The following JMJD1C variants were observed in gnomAD, a reference collection of about 807,000 sequenced individuals.
JMJD1C encodes the protein jumonji domain containing 1C.
A neutral mutation model predicts 245.3 loss-of-function variants in JMJD1C; 31 were observed. The observed-to-expected ratio is 0.13, with a 90% CI of 0.09 to 0.17. The LOEUF (loss-of-function observed/expected upper bound fraction) is 0.17. Ranked by LOEUF, JMJD1C falls within the 10% of genes least tolerant of loss-of-function variation. JMJD1C has a pLI of 1.00. For synonymous variants in JMJD1C, 1,057 were observed against 1,017.4 expected (o/e 1.04, Z -0.74); for missense variants, 2,691 against 3,000.2 (o/e 0.90, Z 2.41).
chr10:63,287,674 G>A (rs945315688), intron 2 of JMJD1C, among the ~76,000 whole-genome samples: 1 of 152,048 alleles, frequency 6.6e-6, no homozygotes, highest in African/African-American at 2.4e-5. Context: ...AGCATTTAAG[G>A]AGTCTTAGAA....
intron 2 of JMJD1C, among the ~76,000 whole-genome samples, chr10:63,323,528 AG>A (rs1024605313): frequency 2.6e-5 from 4 of 152,176 alleles, no homozygotes; most frequent in African/African-American, 9.7e-5. Context: ...AAAAAAAGAA[AG>A]GGGGGAAAGA....
intron 3 of JMJD1C, among the ~76,000 whole-genome samples, chr10:63,247,756 T>C (rs895713228): frequency 1.4e-5 from 2 of 146,050 alleles, no homozygotes; most frequent in South Asian, 2.2e-4. Context: ...AAACCTTGCA[T>C]CTTTTCCCAT....
chr10:63,489,259 G>A (rs1202131196), intron 1 of JMJD1C, among the ~76,000 whole-genome samples: 1 of 152,148 alleles, frequency 6.6e-6, no homozygotes, highest in Non-Finnish European at 1.5e-5. Flanking sequence ...AATTAGCTGG[G>A]CATGGTGGCG....
intron 10 of JMJD1C, chr10:63,202,583 G>C (rs1454270996): frequency 6.1e-6 from 6 of 985,270 alleles, no homozygotes; most frequent in Non-Finnish European, 7.2e-6. Context: ...CTGAATTGCT[G>C]CCTCGTTCTT....
intron 3 of JMJD1C, among the ~76,000 whole-genome samples, chr10:63,261,881 A>G (rs1032749439): frequency 6.6e-6 from 1 of 152,358 alleles, no homozygotes; most frequent in East Asian, 1.9e-4. Flanking sequence ...ACATTTAATT[A>G]GATTCACAGC....
intron 1 of JMJD1C, among the ~76,000 whole-genome samples, chr10:63,454,425 T>C (rs1044264114): frequency 1.3e-5 from 2 of 151,910 alleles, no homozygotes; most frequent in Non-Finnish European, 2.9e-5. Context: ...ACCCAGCTAA[T>C]TTTTTTGTTG....
chr10:63,348,872 G>A (rs1944081656), intron 2 of JMJD1C, among the ~76,000 whole-genome samples: 4 of 151,946 alleles, frequency 2.6e-5, no homozygotes, highest in Admixed American at 6.6e-5. Context: ...AGGCCAAGGC[G>A]GGTGGATCAC....
intron 2 of JMJD1C, among the ~76,000 whole-genome samples, chr10:63,338,973 G>T (rs982510639): frequency 6.6e-6 from 1 of 152,120 alleles, no homozygotes; most frequent in African/African-American, 2.4e-5. Context: ...TCTTCATCTT[G>T]TGTAGTATGA....
At chr10:63,391,674 C>T (rs1948072851) in intron 1 of JMJD1C, among the ~76,000 whole-genome samples, 1 of 152,076 alleles carries the variant, frequency 6.6e-6, no homozygotes, top group South Asian at 2.1e-4. Context: ...GAAAGACATC[C>T]CATGCTCAAA....
At chr10:63,401,007 C>T (rs1475140104) in intron 1 of JMJD1C, among the ~76,000 whole-genome samples, 1 of 151,054 alleles carries the variant, frequency 6.6e-6, no homozygotes, top group African/African-American at 2.4e-5. Flanking sequence ...TACAGGTGCC[C>T]TCCACCACAC....
chr10:63,184,064 C>A (rs1589080169), intron 21 of JMJD1C, among the ~76,000 whole-genome samples: 2 of 150,120 alleles, frequency 1.3e-5, no homozygotes, highest in East Asian at 2.0e-4. Context: ...ATAGCTGGGA[C>A]TACAGGTACA....
At chr10:63,486,079 T>TG (rs1276508682) in intron 1 of JMJD1C, among the ~76,000 whole-genome samples, 3 of 127,606 alleles carry the variant, frequency 2.4e-5, no homozygotes, top group African/African-American at 9.3e-5. Flanking sequence ...GCCTGAAGAA[T>TG]GAATGAAAGT....
intron 2 of JMJD1C, among the ~76,000 whole-genome samples, chr10:63,282,874 G>T (rs1353452101): frequency 6.6e-6 from 1 of 151,998 alleles, no homozygotes; most frequent in Non-Finnish European, 1.5e-5. Flanking sequence ...GTGCCACCAC[G>T]CCTGACTAAT....
At position 63,218,713 on chromosome 10, in the gene JMJD1C, T is replaced by G. The variant is rs1346946535; in HGVS notation, c.553+1165A>C. Among the ~76,000 whole-genome samples, 13 of 152,174 alleles carry G rather than the reference T, an allele frequency of 8.5e-5. 1 individual carries two copies. The highest frequency in any genetic ancestry group is 2.9e-4 in the African/African-American group (12 of 41,538). ...AGGATACAATGCAGAAACAAAATATTATTTTTTAAAAATTTGCCTGGTTTC... is the reference window on the plus strand; with the variant it reads ...AGGATACAATGCAGAAACAAAATATGATTTTTTAAAAATTTGCCTGGTTTC... On this transcript the variant is annotated intron_variant, in intron 4 of 25. Coordinates refer to ENST00000399262, the MANE Select transcript of JMJD1C (RefSeq NM_032776.3).
chr10:63,227,292 G>A (rs1294798849), intron 3 of JMJD1C, among the ~76,000 whole-genome samples: 1 of 152,114 alleles, frequency 6.6e-6, no homozygotes, highest in African/African-American at 2.4e-5. Context: ...CATTTCCTAA[G>A]ATAATAAGGT....
intron 1 of JMJD1C, among the ~76,000 whole-genome samples, chr10:63,502,636 C>CAAAAAAAA (rs67729776): frequency 1.5e-5 from 1 of 66,250 alleles, no homozygotes; most frequent in African/African-American, 5.5e-5. Flanking sequence ...GACTTTGTCT[C>CAAAAAAAA]AAAAAAAAAA....
chr10:63,413,994 T>G (rs1315554620), intron 1 of JMJD1C, among the ~76,000 whole-genome samples: 2 of 151,016 alleles, frequency 1.3e-5, no homozygotes, highest in African/African-American at 4.9e-5. Flanking sequence ...ACTTTTTTTT[T>G]TTTTTTTTTT....
At chr10:63,244,366 G>A (rs1851898095) in intron 3 of JMJD1C, among the ~76,000 whole-genome samples, 1 of 152,090 alleles carries the variant, frequency 6.6e-6, no homozygotes, top group Admixed American at 6.6e-5. Flanking sequence ...ATTTAGTGCC[G>A]AAAAGGAGGC....
At chr10:63,400,964 AG>A (rs1948813728) in intron 1 of JMJD1C, among the ~76,000 whole-genome samples, 1 of 151,848 alleles carries the variant, frequency 6.6e-6, no homozygotes, top group Non-Finnish European at 1.5e-5. Context: ...GGGTTCAAGC[AG>A]TTCTCCCTTC....
Sources: allele counts gnomAD v4.1 joint callset (sites outside exome capture counted in the v4.1 genomes callset), GRCh38; gene constraint gnomAD v4.1.1; transcripts MANE v1.5; gene names NCBI Gene and HGNC (gene_info 2026-07-23, HGNC 2026-07-21).